C14orf39: variants seen among roughly 807,000 people sequenced by gnomAD.
C14orf39 encodes the protein chromosome 14 open reading frame 39, also known as protein SIX6OS1.
C14orf39 carries 66 observed loss-of-function variants against 85.6 expected under a neutral mutation model. The observed-to-expected ratio is 0.77, with a 90% CI of 0.63 to 0.95. C14orf39 has a LOEUF of 0.95. Among genes scored for constraint, C14orf39 ranks in the 40% least tolerant of loss-of-function variants. C14orf39 has a pLI of 0.00. For missense variants in C14orf39, 735 were observed against 663.9 expected (o/e 1.11, Z -1.18); for synonymous variants, 242 against 214.0 (o/e 1.13, Z -1.14).
Position 60,471,671 on chromosome 14 carries a change from T to G in C14orf39, c.392A>C (p.Glu131Ala). ...VLKQYQLKYSETPFSREYYEK... is the reference protein window; with the variant it reads ...VLKQYQLKYSATPFSREYYEK... ...ATAATATTCACGTGAAAAGGGTGTT[T>G]CTGAGTATTTTAGTTGGTACTGCTT... The change falls in exon 6 of 18, where the codon GAA (glutamate) becomes GCA (alanine). Residue 131 changes from glutamate (E) to alanine (A), a missense_variant. Coordinates refer to ENST00000321731, the MANE Select transcript of C14orf39 (RefSeq NM_174978.3). 6.2e-7 allele frequency: 1 copy of G among 1,607,610 alleles called. No homozygotes were observed. The highest frequency in any genetic ancestry group is 8.5e-7 in the Non-Finnish European group (1 of 1,176,046).
chr14:60,440,406 GT>G (rs967132422), intron 17 of C14orf39, among the ~76,000 whole-genome samples: 4 of 152,054 alleles, frequency 2.6e-5, no homozygotes, highest in African/African-American at 9.7e-5. Context: ...CACAATCTTT[GT>G]TTCTCTCTCT....
intron 1 of C14orf39, chr14:60,509,189 G>C (rs1357912451): frequency 1.7e-6 from 1 of 590,318 alleles, no homozygotes; most frequent in Non-Finnish European, 3.0e-6. Flanking sequence ...GAGCCGAGCC[G>C]AGCCCGAACC....
intron 17 of C14orf39, among the ~76,000 whole-genome samples, chr14:60,438,605 G>T (rs146930018): frequency 6.6e-6 from 1 of 152,172 alleles, no homozygotes; most frequent in African/African-American, 2.4e-5. Flanking sequence ...AAAAACCTGT[G>T]ATCTAGAGGA....
At chr14:60,488,291 T>C (rs1892935992), upstream of C14orf39, among the ~76,000 whole-genome samples, 3 of 152,134 alleles carry the variant, frequency 2.0e-5, no homozygotes, top group Non-Finnish European at 4.4e-5. Context: ...CTCATAAAAA[T>C]ATACCTAAGT....
intron 1 of C14orf39, among the ~76,000 whole-genome samples, chr14:60,503,385 T>A (rs1406976676): frequency 6.6e-6 from 1 of 152,214 alleles, no homozygotes; most frequent in Non-Finnish European, 1.5e-5. Flanking sequence ...GAAATAGTAC[T>A]GGACCTTACA....
chr14:60,442,678 A>T (rs1890576928), intron 16 of C14orf39, among the ~76,000 whole-genome samples: 1 of 152,200 alleles, frequency 6.6e-6, no homozygotes, highest in Non-Finnish European at 1.5e-5. Flanking sequence ...CCACATAGAC[A>T]AACCAGACAG....
intron 17 of C14orf39, among the ~76,000 whole-genome samples, chr14:60,440,640 C>A (rs1382827683): frequency 1.3e-5 from 2 of 152,144 alleles, no homozygotes; most frequent in African/African-American, 4.8e-5. Context: ...CCTGTCAGAT[C>A]ATTTCAGTCC....
intron 9 of C14orf39, among the ~76,000 whole-genome samples, chr14:60,467,999 G>A (rs1595468361): frequency 1.3e-5 from 2 of 151,146 alleles, no homozygotes; most frequent in African/African-American, 4.9e-5. Flanking sequence ...CAAAAGACAA[G>A]GAAATATGAT....
At chr14:60,496,102 G>A in intron 2 of C14orf39, 2 of 645,980 alleles carry the variant, frequency 3.1e-6, no homozygotes, top group South Asian at 2.8e-5. Flanking sequence ...TTCTGACTGA[G>A]CAAAGCCACA....
rs530987855 is a variant in C14orf39 at position 60,445,832 on chromosome 14, T to G, written c.1504-3701A>C. On this transcript the variant is annotated intron_variant, in intron 16 of 17. Transcript: ENST00000321731. ...TGGAAGTAAAACACTCCTCAGCAAATGTAAAAGGACATAAATCACAACAAA... is the reference window on the plus strand; with the variant it reads ...TGGAAGTAAAACACTCCTCAGCAAAGGTAAAAGGACATAAATCACAACAAA... 3.3e-5 allele frequency among the ~76,000 whole-genome samples: 5 copies of G among 152,212 alleles called. No individual in the cohort carries two copies. The East Asian group carries it at 9.7e-4, about 29-fold the overall frequency.
intron 7 of C14orf39, among the ~76,000 whole-genome samples, chr14:60,470,606 AACTT>A (rs894653232): frequency 1.3e-5 from 2 of 151,896 alleles, no homozygotes; most frequent in African/African-American, 4.8e-5. Flanking sequence ...AGCGTCTACT[AACTT>A]TGGCCCCTTC....
Position 60,455,165 on chromosome 14 carries a change from C to T in C14orf39, c.1359-20G>A. On this transcript the variant is annotated intron_variant, in intron 15 of 17. Transcript: ENST00000321731. ...CTGTTACTGAGAAATAAGAAATTATCAAAATGTTAAAAATCTATTATTAAA... is the reference window on the plus strand; with the variant it reads ...CTGTTACTGAGAAATAAGAAATTATTAAAATGTTAAAAATCTATTATTAAA... 1 of 1,511,594 alleles carries T rather than the reference C, an allele frequency of 6.6e-7. No homozygotes were observed. The highest frequency in any genetic ancestry group is 8.9e-7 in the Non-Finnish European group (1 of 1,123,868). 93.6% of individuals were successfully genotyped at this position (1,511,594 alleles called of 1,614,324 possible). A position where few individuals can be genotyped will look rare whatever the true frequency, so the allele number is the denominator to read the frequency against.
intron 9 of C14orf39, 122 bp downstream of exon 9, chr14:60,468,323 C>A (rs1187257263): frequency 1.5e-5 from 7 of 475,318 alleles, no homozygotes; most frequent in Non-Finnish European, 2.6e-5. Flanking sequence ...TAGAAAATAG[C>A]CTGCACAACA....
At chr14:60,443,070 AGGAAG>A (rs1890597581) in intron 16 of C14orf39, among the ~76,000 whole-genome samples, 1 of 151,674 alleles carries the variant, frequency 6.6e-6, no homozygotes, top group Non-Finnish European at 1.5e-5. Flanking sequence ...ATGGCCAAAT[AGGAAG>A]AGCTCTGGTC....
At chr14:60,466,123 T>C in intron 10 of C14orf39, 68 bp from the exon 11 acceptor site, 1 of 619,536 alleles carries the variant, frequency 1.6e-6, no homozygotes, top group Non-Finnish European at 2.5e-6. Context: ...CCCCAATGTT[T>C]AACCTAAACT....
At position 60,484,750 on chromosome 14, in the gene C14orf39, A is replaced by AT. The variant is rs1249158974; in HGVS notation, c.106+130dup. 1.6e-6 allele frequency: 1 copy of AT among 628,766 alleles called. No individual in the cohort carries two copies. The allele number at this position is 628,766 out of a possible 1,614,324, so 38.9% of individuals were successfully genotyped here. On this transcript the variant is annotated intron_variant, in intron 3 of 17. Coordinates refer to ENST00000321731, the MANE Select transcript of C14orf39 (RefSeq NM_174978.3). The surrounding 1 kb of genome is among the most constrained non-coding windows in gnomAD (Gnocchi z 4.2). Reference sequence around the variant, plus strand: ...CTATTTCGTCTAGGGTAAATAGTTTATTTGTCGCTAGAGAGAACTGACACA... The same window carrying AT: ...CTATTTCGTCTAGGGTAAATAGTTTATTTTGTCGCTAGAGAGAACTGACACA...
intron 7 of C14orf39, among the ~76,000 whole-genome samples, chr14:60,470,089 T>A (rs1892005269): frequency 6.6e-6 from 1 of 151,742 alleles, no homozygotes; most frequent in African/African-American, 2.4e-5. Flanking sequence ...CCAACAACAG[T>A]ATGCTGGAGA....
chr14:60,442,981 C>G (rs1890592569), intron 16 of C14orf39, among the ~76,000 whole-genome samples: 1 of 152,040 alleles, frequency 6.6e-6, no homozygotes, highest in Admixed American at 6.5e-5. Context: ...AATCTTATTG[C>G]AAATATTTTA....
chr14:60,457,011 A>G lies in C14orf39; in HGVS notation c.1264T>C (p.Ser422Pro). 1 of 1,611,158 alleles carries G rather than the reference A, an allele frequency of 6.2e-7. No individual in the cohort carries two copies. Among genetic ancestry groups the G allele is most frequent in the African/African-American group, 1.3e-5 (1 of 74,796 alleles). ...EERAENFPRT[S>P]EIPIFLGTPK... ...GTTCCTAAAAATATAGGAATTTCAG[A>G]CGTTCGTGGAAAATTCTCAGCTCTC... Residue 422 changes from serine (S) to proline (P), a missense_variant, in exon 15 of 18, where the codon TCT becomes CCT. Transcript: ENST00000321731.
Sources: gnomAD v4.1 joint callset for allele counts (sites outside exome capture counted in the v4.1 genomes callset) on GRCh38, gnomAD v4.1.1 for gene constraint, Gnocchi (gnomAD v3.1) non-coding constraint, MANE v1.5 for transcripts, NCBI Gene and HGNC (gene_info 2026-07-23, HGNC 2026-07-21) for gene names.